MYH7B: variants seen among roughly 807,000 people sequenced by gnomAD.
MYH7B encodes myosin-7B.
Under a neutral mutation model 234.5 loss-of-function variants are expected in MYH7B, and 205 were observed. The observed-to-expected ratio is 0.87, with a 90% CI of 0.78 to 0.98. MYH7B has a LOEUF of 0.98. MYH7B is among the 50% of genes least tolerant of loss of function. The pLI, the probability that MYH7B is intolerant of heterozygous loss-of-function variation, is 0.00. For synonymous variants in MYH7B, 1,193 were observed against 1,105.0 expected, an observed-to-expected ratio of 1.08 and a Z score of -1.58; for missense variants, 2,652 against 2,633.4, an observed-to-expected ratio of 1.01 and a Z score of -0.15.
At chr20:34,970,184 A>G (rs1034823790) in intron 2 of MYH7B, among the ~76,000 whole-genome samples, 7 of 152,188 alleles carry the variant, frequency 4.6e-5, no homozygotes, top group Non-Finnish European at 8.8e-5. Flanking sequence ...CTAAGGGCCA[A>G]GGTAAGCCAT....
chr20:34,994,535 C>T, intron 27 of MYH7B, 134 bp downstream of exon 27: 1 of 1,116,172 alleles, frequency 9.0e-7, no homozygotes, highest in Non-Finnish European at 1.2e-6. Context: ...TGAGATGAGG[C>T]CTCCATGTCC....
chr20:34,995,727 C>G, intron 28 of MYH7B, 149 bp downstream of exon 28: 1 of 1,323,158 alleles, frequency 7.6e-7, no homozygotes, highest in Non-Finnish European at 1.0e-6. Context: ...GTTTCTTTAT[C>G]TGTCAAGTGG....
At chr20:34,978,212 G>C in intron 5 of MYH7B, 116 bp downstream of exon 5, 1 of 1,248,966 alleles carries the variant, frequency 8.0e-7, no homozygotes, top group Non-Finnish European at 1.1e-6. Flanking sequence ...GGGCCTGACA[G>C]CTGGAGCCCT....
rs758446665 is a variant in MYH7B, at chr20:34,987,303, C to T, written c.1147+16C>T. On this transcript the variant is annotated intron_variant, in intron 16 of 44. Transcript: ENST00000262873. ...GGCACTGAGAGTGAGGGGCCCTAAC[C>T]TGGCCTTCAACTTGACCCAGACCTC... 6.2e-6 allele frequency: 10 copies of T among 1,608,664 alleles called. No individual in the cohort carries two copies. Among genetic ancestry groups the T allele is most frequent in the African/African-American group, 2.7e-5 (2 of 74,816 alleles).
Position 34,987,229 on chromosome 20 carries a change from CA to C in MYH7B, c.1091del (p.Asn364ThrfsTer2), listed in dbSNP as rs1317975241. The C allele has an allele frequency of 1.6e-5, 25 of 1,612,246 alleles. No homozygotes were observed. The highest frequency in any genetic ancestry group is 2.0e-5 in the Non-Finnish European group (24 of 1,180,012). ...TCGTGGGCGCCCTCCTGCACTTTGG[CA>C]ACATGAAGTTCAAGCAGAAGCAGCG... On this transcript the variant is annotated frameshift_variant, in exon 16 of 45. Transcript: ENST00000262873. LOFTEE classifies it high-confidence loss of function.
Position 34,986,961 on chromosome 20 carries a change from ATGAT to A in MYH7B, c.981_984del (p.Asn327LysfsTer15). ...GGCGTCATCACCGTGGACAACATGA[ATGAT>A]GGGGAGGAGCTCATCGCCACCGACG... On this transcript the variant is annotated frameshift_variant, in exon 15 of 45. Transcript: ENST00000262873. LOFTEE classifies it high-confidence loss of function. 6.2e-7 allele frequency: 1 copy of A among 1,613,992 alleles called. No individual in the cohort carries two copies. The highest frequency in any genetic ancestry group is 8.5e-7 in the Non-Finnish European group (1 of 1,179,988).
In MYH7B at chr20:34,999,169, T is replaced by G. The variant is rs1454992654; in HGVS notation, c.4304T>G (p.Val1435Gly). The G allele has an allele frequency of 9.9e-6, 16 of 1,613,694 alleles. 1 individual carries two copies. The South Asian group carries it at 1.8e-4, about 18-fold the overall frequency. Residue 1435 changes from valine to glycine, a missense_variant, in exon 36 of 45, where the codon GTA (valine) becomes GGA (glycine). Val to Gly is a moderately radical substitution (Grantham distance 109). Coordinates refer to ENST00000262873, the Ensembl canonical transcript of MYH7B. The stretch of plus-strand genomic sequence containing the variant: ...CGGCTACAGACAGAGTCAGAGGATG[T>G]AACCCTGGAGCTGGAGCGGGCGACC...
Position 34,982,406 on chromosome 20 carries a change from G to T in MYH7B, c.528-53G>T. 10 of 1,510,154 alleles carry T rather than the reference G, an allele frequency of 6.6e-6. No individual in the cohort carries two copies. In the South Asian group the frequency reaches 1.1e-4, roughly 17 times the overall value. 93.5% of individuals were successfully genotyped at this position (1,510,154 alleles called of 1,614,324 possible). A position where few individuals can be genotyped will look rare whatever the true frequency, so the allele number is the denominator to read the frequency against. The stretch of plus-strand genomic sequence containing the variant: ...GCTTGAGGGGTGAGGCATTGGGGGT[G>T]GGGGAGAATTAGGCCAGATGGGCAT... On this transcript the variant is annotated intron_variant, in intron 9 of 44. Transcript: ENST00000262873.
exon 26 of MYH7B, chr20:34,993,336 G>A: frequency 2.5e-6 from 4 of 1,614,106 alleles, no homozygotes; most frequent in Non-Finnish European, 3.4e-6. Flanking sequence ...GCCCCCAGGT[G>A]TTCTTCAAGG....
At chr20:34,972,138 A>G (rs2147158612) in intron 2 of MYH7B, among the ~76,000 whole-genome samples, 1 of 152,252 alleles carries the variant, frequency 6.6e-6, no homozygotes, top group East Asian at 1.9e-4. Context: ...ATGAAACTTC[A>G]GCTCACTCAC....
chr20:34,996,402 C>T, exon 29 of MYH7B: 1 of 1,612,636 alleles, frequency 6.2e-7, no homozygotes. Context: ...CCCGGCTGAC[C>T]AAGGAGAAGA....
intron 34 of MYH7B, 42 bp downstream of exon 34, chr20:34,998,671 C>T: frequency 6.2e-7 from 1 of 1,612,374 alleles, no homozygotes; most frequent in Non-Finnish European, 8.5e-7. Context: ...AGGTGGGCAC[C>T]AGAGCCACTG....
At chr20:34,990,366 T>G (rs1360990201) in intron 22 of MYH7B, 56 bp downstream of exon 22, 12 of 1,591,612 alleles carry the variant, frequency 7.5e-6, no homozygotes, top group East Asian at 4.5e-5. Flanking sequence ...AGCCCCGTCC[T>G]TCACCCCCTG....
At chr20:34,995,125 G>T (rs375206519) in intron 27 of MYH7B, among the ~76,000 whole-genome samples, 1 of 152,236 alleles carries the variant, frequency 6.6e-6, no homozygotes, top group Admixed American at 6.5e-5. Flanking sequence ...GGGCCGCCCC[G>T]CACTTCTAAC....
intron 6 of MYH7B, 27 bp from the exon 7 acceptor site, chr20:34,979,634 C>T (rs373248490): frequency 4.0e-5 from 65 of 1,613,446 alleles, no homozygotes; most frequent in Non-Finnish European, 5.0e-5. Context: ...CCCGGTCCCC[C>T]GGCCCCTGAC....
chr20:34,990,761 C>G, exon 23 of MYH7B: 2 of 1,614,162 alleles, frequency 1.2e-6, no homozygotes, highest in Non-Finnish European at 1.7e-6. Context: ...AGCTGATGAC[C>G]AACCTGCGGG....
rs781227326 is a variant in MYH7B at position 35,001,424 on chromosome 20, C to G, written c.5581-7C>G. On this transcript the variant is annotated splice_polypyrimidine_tract_variant and splice_region_variant and intron_variant, in intron 42 of 44. Transcript: ENST00000262873. Reference sequence around the variant, plus strand: ...AAGCAAGCCCTGAGTCCCCCTTGCCCGCCCAGGCCGAGGAGGACAGGAAGA... The same window carrying G: ...AAGCAAGCCCTGAGTCCCCCTTGCCGGCCCAGGCCGAGGAGGACAGGAAGA... 1.9e-6 allele frequency: 3 copies of G among 1,595,852 alleles called. No individual in the cohort carries two copies. The highest frequency in any genetic ancestry group is 2.6e-6 in the Non-Finnish European group (3 of 1,171,618).
At chr20:34,993,312 C>T (rs768171540) in intron 25 of MYH7B, 22 bp from the exon 26 acceptor site, 1 of 1,614,064 alleles carries the variant, frequency 6.2e-7, no homozygotes, top group Non-Finnish European at 8.5e-7. Context: ...GTTACCCTGG[C>T]TGTCTACCTC....
chr20:34,984,613 T>G, intron 10 of MYH7B, 79 bp from the exon 11 acceptor site: 1 of 1,362,528 alleles, frequency 7.3e-7, no homozygotes, highest in South Asian at 1.2e-5. Flanking sequence ...GCCCGCTGCC[T>G]CCCGCTGATA....
Sources: allele counts gnomAD v4.1 joint callset (sites outside exome capture counted in the v4.1 genomes callset), GRCh38; gene constraint gnomAD v4.1.1; transcripts MANE v1.5; gene names NCBI Gene and HGNC (gene_info 2026-07-23, HGNC 2026-07-21).